ARID3A: variants seen among roughly 807,000 people sequenced by gnomAD.
ARID3A encodes AT-rich interactive domain-containing protein 3A.
In ARID3A, 11 loss-of-function variants were observed where a neutral mutation model predicts 52.7. That is an observed-to-expected ratio of 0.21 (90% CI 0.13 to 0.35). ARID3A has a LOEUF of 0.35. Among genes scored for constraint, ARID3A ranks in the 10% least tolerant of loss-of-function variants. The probability of loss-of-function intolerance (pLI) is 1.00; values close to 1 mark genes in which losing one functional copy is unlikely to be tolerated. For synonymous variants in ARID3A, 404 were observed against 359.4 expected (o/e 1.12, Z -1.40); for missense variants, 721 against 838.5 (o/e 0.86, Z 1.73).
rs1342412467 is a variant in ARID3A, at chr19:954,795, A to G, written c.694-5297A>G. Among the ~76,000 whole-genome samples the G allele has an allele frequency of 2.8e-4, 39 of 141,486 alleles. 1 individual carries two copies. Among genetic ancestry groups the G allele is most frequent in the African/African-American group, 1.0e-3 (39 of 37,250 alleles). 92.8% of individuals were successfully genotyped at this position (141,486 alleles called of 152,430 possible). The stretch of plus-strand genomic sequence containing the variant: ...AGAAGGCCTCGCAGACGGGAGGAAC[A>G]GCCGGGGCGAAGGCGGCCGCTCGGG... On this transcript the variant is annotated intron_variant, in intron 3 of 8. Coordinates refer to ENST00000263620, the MANE Select transcript of ARID3A (RefSeq NM_005224.3).
intron 2 of ARID3A, among the ~76,000 whole-genome samples, chr19:931,608 C>T (rs1278058538): frequency 5.3e-5 from 8 of 151,902 alleles, no homozygotes; most frequent in African/African-American, 7.3e-5. Context: ...GTCAGGAGAT[C>T]GAGACCATCC....
chr19:945,055 C>T (rs532207629), intron 3 of ARID3A, among the ~76,000 whole-genome samples: 1 of 152,396 alleles, frequency 6.6e-6, no homozygotes, highest in Non-Finnish European at 1.5e-5. Flanking sequence ...CTGCCCCCAC[C>T]CCTCAGTTGG....
At chr19:970,168 C>T (rs111868807) in intron 8 of ARID3A, among the ~76,000 whole-genome samples, 11 of 151,806 alleles carry the variant, frequency 7.2e-5, no homozygotes, top group Admixed American at 1.3e-4. Context: ...CAAGAATTAG[C>T]GAGGTGTGCT....
chr19:933,525 C>T (rs350151), intron 3 of ARID3A, among the ~76,000 whole-genome samples: 83,742 of 152,082 alleles, frequency 0.55, 23,261 homozygotes, highest in East Asian at 0.78. Context: ...CCTCCTCGCC[C>T]GGGGCTGGAG....
chr19:975,459 TC>T lies in ARID3A; in HGVS notation c.*3398del, dbSNP rs2038360260. 4.4e-6 allele frequency: 1 copy of T among 229,588 alleles called. No homozygotes were observed. Among genetic ancestry groups the T allele is most frequent in the Non-Finnish European group, 8.6e-6 (1 of 115,816 alleles). The allele number at this position is 229,588 out of a possible 1,614,324, so 14.2% of individuals were successfully genotyped here. ...TGTTTTACCCACCTTGTCCCTTTTTTCCCCAATTGTGCTTTTGCATTTTTTT... is the reference window on the plus strand; with the variant it reads ...TGTTTTACCCACCTTGTCCCTTTTTTCCCAATTGTGCTTTTGCATTTTTTT... On this transcript the variant is annotated 3_prime_UTR_variant, in exon 9 of 9. Coordinates refer to ENST00000263620, the MANE Select transcript of ARID3A (RefSeq NM_005224.3).
intron 3 of ARID3A, among the ~76,000 whole-genome samples, chr19:943,039 C>T (rs1599396803): frequency 6.6e-6 from 1 of 152,082 alleles, no homozygotes; most frequent in South Asian, 2.1e-4. Context: ...AAGGCCAAGA[C>T]GGGAGTTTCG....
chr19:955,427 C>CACAGGGGTCA (rs2037897127), intron 3 of ARID3A, among the ~76,000 whole-genome samples: 1 of 152,212 alleles, frequency 6.6e-6, no homozygotes, highest in African/African-American at 2.4e-5. Flanking sequence ...ATCAGTGCCC[C>CACAGGGGTCA]GGCCCCACAG....
upstream of ARID3A, chr19:925,779 A>C (rs1195219358): frequency 1.3e-5 from 2 of 150,246 alleles, no homozygotes; most frequent in Non-Finnish European, 3.0e-5. Flanking sequence ...ATTTCCGTCC[A>C]CTCTGCCCGG....
chr19:958,523 CG>C (rs1186711398), intron 3 of ARID3A, among the ~76,000 whole-genome samples: 1 of 151,848 alleles, frequency 6.6e-6, no homozygotes, highest in East Asian at 1.9e-4. Flanking sequence ...CATTTGGAAA[CG>C]GGGGAACTTA....
At chr19:966,197 C>A (rs1288313774) in intron 6 of ARID3A, among the ~76,000 whole-genome samples, 1 of 150,608 alleles carries the variant, frequency 6.6e-6, no homozygotes, top group East Asian at 2.0e-4. Context: ...CGGTGGCTCA[C>A]GCCTGTAATC....
intron 3 of ARID3A, among the ~76,000 whole-genome samples, chr19:957,627 GC>G (rs796289801): frequency 3.4e-4 from 52 of 152,308 alleles, no homozygotes; most frequent in African/African-American, 1.3e-3. Flanking sequence ...GATCGAGGGA[GC>G]CCAGGAGGTC....
rs1418743899 is a variant in ARID3A at position 929,980 on chromosome 19, G to A, written c.368+84G>A. The A allele has an allele frequency of 6.7e-7, 1 of 1,499,924 alleles. No individual in the cohort carries two copies. The highest frequency in any genetic ancestry group is 8.9e-7 in the Non-Finnish European group (1 of 1,124,804). The allele number at this position is 1,499,924 out of a possible 1,614,324, so 92.9% of individuals were successfully genotyped here. A position where few individuals can be genotyped will look rare whatever the true frequency, so the allele number is the denominator to read the frequency against. On this transcript the variant is annotated intron_variant, in intron 2 of 8. Coordinates refer to ENST00000263620, the MANE Select transcript of ARID3A (RefSeq NM_005224.3). This position sits in a 1 kb window ranked among gnomAD's most constrained non-coding sequence, Gnocchi z 6.2. Reference sequence around the variant, plus strand: ...CTGCTCATCTGCAGAATGGGAGTAAGGGTCAGGTCGCGGGATCTCCTTCCT... The same window carrying A: ...CTGCTCATCTGCAGAATGGGAGTAAAGGTCAGGTCGCGGGATCTCCTTCCT...
In ARID3A at chr19:957,065, A is replaced by G. The variant is rs555764337; in HGVS notation, c.694-3027A>G. Among the ~76,000 whole-genome samples the G allele has an allele frequency of 7.9e-4, 120 of 152,046 alleles. 1 individual carries two copies. Among genetic ancestry groups the G allele is most frequent in the Middle Eastern group, 6.8e-3 (2 of 294 alleles). On this transcript the variant is annotated intron_variant, in intron 3 of 8. Coordinates refer to ENST00000263620, the MANE Select transcript of ARID3A (RefSeq NM_005224.3). ...GGCCCCCGCCTGAACTCCGCTTTCT[A>G]ATTATCCCTGCCGGCTTTCCCCCAC...
At chr19:948,858 C>CT (rs2037742631) in intron 3 of ARID3A, among the ~76,000 whole-genome samples, 1 of 151,918 alleles carries the variant, frequency 6.6e-6, no homozygotes, top group Admixed American at 6.6e-5. Flanking sequence ...TACAGGCGTG[C>CT]GCCACCACGC....
At chr19:931,219 A>G (rs890432546) in intron 2 of ARID3A, among the ~76,000 whole-genome samples, 14 of 152,050 alleles carry the variant, frequency 9.2e-5, no homozygotes, top group Admixed American at 2.6e-4. Context: ...GCTTGAGCTC[A>G]GGAGGTCAAG....
intron 1 of ARID3A, among the ~76,000 whole-genome samples, chr19:927,534 C>T (rs2037227124): frequency 6.6e-6 from 1 of 151,902 alleles, no homozygotes; most frequent in Admixed American, 6.6e-5. Flanking sequence ...GAGTGGCTTC[C>T]TTTGGCCTCT....
At chr19:967,847 C>T (rs1479800103) in intron 7 of ARID3A, among the ~76,000 whole-genome samples, 1 of 150,976 alleles carries the variant, frequency 6.6e-6, no homozygotes, top group Non-Finnish European at 1.5e-5. Context: ...GACTTCAAGA[C>T]CAGCCTGGCC....
At chr19:931,451 C>CAAAAA (rs768315126) in intron 2 of ARID3A, among the ~76,000 whole-genome samples, 21 of 79,544 alleles carry the variant, frequency 2.6e-4, no homozygotes, top group African/African-American at 8.0e-4. Context: ...GACTGTGTCT[C>CAAAAA]AAAAAAAAAA....
rs1212010127 is a variant in ARID3A at position 964,565 on chromosome 19, G to T, written c.950+134G>T. ...AGTGGGCAGCCGCAAAGGGCACAGG[G>T]CCACACCGTGCGTCCAGGGCCCGAG... is the stretch of plus-strand genomic sequence containing the variant. On this transcript the variant is annotated intron_variant, in intron 5 of 8. Transcript: ENST00000263620. This position sits in a 1 kb window ranked among gnomAD's most constrained non-coding sequence, Gnocchi z 5.7. 6 of 1,280,772 alleles carry T rather than the reference G, an allele frequency of 4.7e-6. No individual in the cohort carries two copies. In the Admixed American group the frequency reaches 1.3e-4, roughly 27 times the overall value. 79.3% of individuals were successfully genotyped at this position (1,280,772 alleles called of 1,614,324 possible).
Sources: gnomAD v4.1 joint callset for allele counts (sites outside exome capture counted in the v4.1 genomes callset) on GRCh38, gnomAD v4.1.1 for gene constraint, Gnocchi (gnomAD v3.1) non-coding constraint, MANE v1.5 for transcripts, NCBI Gene and HGNC (gene_info 2026-07-23, HGNC 2026-07-21) for gene names.